The following ESR1 variants were observed in gnomAD, a reference collection of about 807,000 sequenced individuals.
The protein encoded by ESR1 is estrogen receptor.
In ESR1, 12 loss-of-function variants were observed where a neutral mutation model predicts 52.7. The ratio of observed to expected loss-of-function variants is 0.23; its 90% CI spans 0.15 to 0.37. ESR1 has a LOEUF of 0.37. Ranked by LOEUF, ESR1 falls within the 10% of genes least tolerant of loss-of-function variation. ESR1 has a pLI of 1.00. For synonymous variants in ESR1, 305 were observed against 316.8 expected, an observed-to-expected ratio of 0.96 and a Z score of 0.39; for missense variants, 584 against 779.7, an observed-to-expected ratio of 0.75 and a Z score of 2.99.
chr6:151,858,390 C>T (rs908779155), intron 2 of ESR1, among the ~76,000 whole-genome samples: 1 of 152,108 alleles, frequency 6.6e-6, no homozygotes, highest in African/African-American at 2.4e-5. Context: ...GAAGAGCTAG[C>T]CTTTTTGGGT....
chr6:152,031,917 C>A (rs536219166), intron 5 of ESR1, among the ~76,000 whole-genome samples: 297 of 152,298 alleles, frequency 2.0e-3, no homozygotes, highest in Non-Finnish European at 3.6e-3. Flanking sequence ...CCGAATCCAG[C>A]AGCACATCAA....
At chr6:151,814,066 C>T (rs1372214557) in intron 1 of ESR1, 1 of 152,234 alleles carries the variant, frequency 6.6e-6, no homozygotes, top group Non-Finnish European at 1.5e-5. Flanking sequence ...GTCCCGGGCT[C>T]ATTCTGCCTG....
At chr6:151,869,099 G>GT (rs5880948) in intron 2 of ESR1, among the ~76,000 whole-genome samples, 134,641 of 152,176 alleles carry the variant, frequency 0.88, 59,740 homozygotes, top group Middle Eastern at 0.95. Context: ...CCTGTTCAGG[G>GT]TTCTGAGTTT....
chr6:152,075,813 A>G (rs1234707010), intron 6 of ESR1, among the ~76,000 whole-genome samples: 1 of 152,108 alleles, frequency 6.6e-6, no homozygotes, highest in Non-Finnish European at 1.5e-5. Context: ...CTCAGATCGT[A>G]TGTCATTTTT....
At position 151,944,174 on chromosome 6, in the gene ESR1, G is replaced by C. The variant is rs1406886560; in HGVS notation, c.762G>C (p.Gly254=). The C allele has an allele frequency of 6.2e-7, 1 of 1,613,408 alleles. No homozygotes were observed. Among genetic ancestry groups the C allele is most frequent in the Non-Finnish European group, 8.5e-7 (1 of 1,179,534 alleles). The change falls in exon 4 of 8, where the codon GGG becomes GGC. Residue 254 remains glycine (G), a splice_region_variant and synonymous_variant. Coordinates refer to ENST00000206249, the MANE Select transcript of ESR1 (RefSeq NM_000125.4). The part of the protein sequence containing the change: ...KCYEVGMMKG[G]IRKDRRGGRM... ...TTTTTTTTCCACCTGTGTTTTCAGG[G>C]ATACGAAAAGACCGAAGAGGAGGGA...
At chr6:151,809,294 T>G in intron 1 of ESR1, 1 of 353,774 alleles carries the variant, frequency 2.8e-6, no homozygotes, top group South Asian at 2.1e-5. Context: ...CATTTTAATT[T>G]TTTTCCCTAC....
rs144308563 is a variant in ESR1 at position 151,848,697 on chromosome 6, A to T, written c.643+5910A>T. On this transcript the variant is annotated intron_variant, in intron 2 of 7. Coordinates refer to ENST00000206249, the MANE Select transcript of ESR1 (RefSeq NM_000125.4). ...ATGTAACTGTTTTATCTTTTCAGAG[A>T]TACAATTGGGATCCTAACTCTTTGG... Among the ~76,000 whole-genome samples, 307 of 152,178 alleles carry T rather than the reference A, an allele frequency of 2.0e-3. 1 individual carries two copies. The highest frequency in any genetic ancestry group is 3.5e-3 in the Non-Finnish European group (237 of 68,004).
At chr6:152,110,506 A>G (rs761976872) in intron 6 of ESR1, among the ~76,000 whole-genome samples, 11 of 152,032 alleles carry the variant, frequency 7.2e-5, no homozygotes, top group Non-Finnish European at 1.6e-4. Context: ...AAGGGGAACA[A>G]CACATACTGG....
intron 1 of ESR1, among the ~76,000 whole-genome samples, chr6:151,658,245 G>A (rs1335050615): frequency 6.6e-6 from 1 of 152,158 alleles, no homozygotes; most frequent in Non-Finnish European, 1.5e-5. Flanking sequence ...TTAAACTTTT[G>A]TCAATAAAAC....
In ESR1 at chr6:151,889,080, G is replaced by A. The variant is rs141312150; in HGVS notation, c.760+8309G>A. Among the ~76,000 whole-genome samples the A allele has an allele frequency of 8.5e-5, 13 of 152,224 alleles. No homozygotes were observed. The East Asian group carries it at 2.3e-3, about 27-fold the overall frequency. Reference sequence around the variant, plus strand: ...CAATCAATTTTGCTAGTATTTTGTTGTGGATTTTTGCATCTATATTCATCA... The same window carrying A: ...CAATCAATTTTGCTAGTATTTTGTTATGGATTTTTGCATCTATATTCATCA... On this transcript the variant is annotated intron_variant, in intron 3 of 7. Transcript: ENST00000206249.
chr6:152,072,557 C>T (rs1238872489), intron 6 of ESR1, among the ~76,000 whole-genome samples: 1 of 152,196 alleles, frequency 6.6e-6, no homozygotes, highest in Non-Finnish European at 1.5e-5. Flanking sequence ...ATCACTCTAG[C>T]TGTGCCTTTC....
chr6:152,025,576 T>C (rs903782834), intron 5 of ESR1, among the ~76,000 whole-genome samples: 1 of 151,996 alleles, frequency 6.6e-6, no homozygotes, highest in African/African-American at 2.4e-5. Flanking sequence ...TCTGGTTTGA[T>C]GGTTACTTTG....
chr6:151,727,690 C>T (rs746693695), intron 2 of ESR1, among the ~76,000 whole-genome samples: 20 of 152,086 alleles, frequency 1.3e-4, no homozygotes, highest in Non-Finnish European at 2.6e-4. Context: ...CTCCATAACC[C>T]CCACTTGTCT....
At chr6:152,125,178 T>C in intron 6 of ESR1, 1 of 1,456,966 alleles carries the variant, frequency 6.9e-7, no homozygotes, top group Non-Finnish European at 9.2e-7. Flanking sequence ...CCAAAATCCC[T>C]GCCCACCGCA....
At chr6:151,929,178 G>A (rs1347892519) in intron 3 of ESR1, among the ~76,000 whole-genome samples, 2 of 152,114 alleles carry the variant, frequency 1.3e-5, no homozygotes, top group African/African-American at 4.8e-5. Context: ...GTATAATAAT[G>A]GTTTGGGCTT....
intron 4 of ESR1, among the ~76,000 whole-genome samples, chr6:152,000,220 G>A (rs1341623072): frequency 6.6e-6 from 1 of 151,912 alleles, no homozygotes; most frequent in Non-Finnish European, 1.5e-5. Flanking sequence ...AGAACAATTC[G>A]TTCATTCATT....
chr6:151,777,031 G>A (rs1342697222), intron 2 of ESR1, among the ~76,000 whole-genome samples: 1 of 151,934 alleles, frequency 6.6e-6, no homozygotes, highest in Non-Finnish European at 1.5e-5. Context: ...TCTGAGAAAG[G>A]TTGATCCAGG....
chr6:152,116,805 C>T (rs930220614), intron 6 of ESR1, among the ~76,000 whole-genome samples: 5 of 151,838 alleles, frequency 3.3e-5, no homozygotes, highest in Non-Finnish European at 7.4e-5. Context: ...AATTATACTA[C>T]ATACTGCTAT....
At chr6:151,772,122 T>G (rs74920527) in intron 2 of ESR1, among the ~76,000 whole-genome samples, 2,287 of 152,328 alleles carry the variant, frequency 0.015, 69 homozygotes, top group African/African-American at 0.053. Context: ...AATGTGGGTT[T>G]CTAACAGGGC....
Sources: gnomAD v4.1 joint callset for allele counts (sites outside exome capture counted in the v4.1 genomes callset) on GRCh38, gnomAD v4.1.1 for gene constraint, MANE v1.5 for transcripts, NCBI Gene and HGNC (gene_info 2026-07-23, HGNC 2026-07-21) for gene names.